The following EIF5B variants were observed in gnomAD, a reference collection of about 807,000 sequenced individuals.
The protein encoded by EIF5B is eukaryotic translation initiation factor 5B, also known as eIF-5B.
A neutral mutation model predicts 147.5 loss-of-function variants in EIF5B; 47 were observed. The observed-to-expected ratio is 0.32, with a 90% confidence interval of 0.25 to 0.41. The LOEUF is 0.41. Ranked by LOEUF, EIF5B falls within the 10% of genes least tolerant of loss-of-function variation. The pLI is 1.00. For synonymous variants in EIF5B, 455 were observed against 456.2 expected (o/e 1.00, Z 0.03); for missense variants, 1,064 against 1,413.2 (o/e 0.75, Z 3.96).
Position 99,337,395 on chromosome 2 carries a change from T to C in EIF5B, c.-160T>C. 1 of 878,556 alleles carries C rather than the reference T, an allele frequency of 1.1e-6. No individual in the cohort carries two copies. The highest frequency in any genetic ancestry group is 1.8e-6 in the Non-Finnish European group (1 of 545,228). The allele number at this position is 878,556 out of a possible 1,614,324, so 54.4% of individuals were successfully genotyped here. On this transcript the variant is annotated 5_prime_UTR_variant, in exon 1 of 24. Coordinates refer to ENST00000289371, the MANE Select transcript of EIF5B (RefSeq NM_015904.4). ...GCTTGCGCACTGAGAACTCACACCA[T>C]ATGTGTCCTGTTCCAGTGCGCGGGT...
At chr2:99,360,681 T>G (rs1463593728) in intron 3 of EIF5B, 132 bp downstream of exon 3, 1 of 783,596 alleles carries the variant, frequency 1.3e-6, no homozygotes, top group African/African-American at 1.8e-5. Context: ...CTATGAAATC[T>G]GATGTCAAAG....
At chr2:99,367,937 A>G (rs1674364903) in intron 6 of EIF5B, among the ~76,000 whole-genome samples, 1 of 152,216 alleles carries the variant, frequency 6.6e-6, no homozygotes, top group African/African-American at 2.4e-5. Flanking sequence ...TACCTGCTTT[A>G]TTCATAATTG....
chr2:99,365,848 C>A (rs551534477), intron 6 of EIF5B, among the ~76,000 whole-genome samples: 35 of 152,266 alleles, frequency 2.3e-4, no homozygotes, highest in African/African-American at 8.4e-4. Context: ...GGTTCCCCCC[C>A]ACCCACAGCC....
chr2:99,350,110 A>G (rs1673897430), intron 1 of EIF5B, among the ~76,000 whole-genome samples: 1 of 152,230 alleles, frequency 6.6e-6, no homozygotes, highest in Non-Finnish European at 1.5e-5. Flanking sequence ...TGTTGTCACA[A>G]AATGACAGGA....
rs903583336 is a variant in EIF5B, at chr2:99,400,690, A to G, written c.*1276A>G. On this transcript the variant is annotated 3_prime_UTR_variant, in exon 24 of 24. Coordinates refer to ENST00000289371, the MANE Select transcript of EIF5B (RefSeq NM_015904.4). ...GGTGTGAGGGTGTTTCTAATTCAAA[A>G]TATGTAGATTTCTCCGCATGGAAGA... 1.3e-5 allele frequency: 2 copies of G among 152,238 alleles called. No individual in the cohort carries two copies. The highest frequency in any genetic ancestry group is 2.9e-5 in the Non-Finnish European group (2 of 68,048). The allele number at this position is 152,238 out of a possible 1,614,324, so 9.4% of individuals were successfully genotyped here. A position where few individuals can be genotyped will look rare whatever the true frequency, so the allele number is the denominator to read the frequency against.
chr2:99,376,837 A>G (rs1256161420), intron 10 of EIF5B, among the ~76,000 whole-genome samples: 1 of 152,188 alleles, frequency 6.6e-6, no homozygotes, highest in Non-Finnish European at 1.5e-5. Context: ...CTTACCTAAG[A>G]TAGAATGGTG....
chr2:99,337,498 G>C lies in EIF5B; in HGVS notation c.-57G>C. On this transcript the variant is annotated 5_prime_UTR_variant, in exon 1 of 24. Coordinates refer to ENST00000289371, the MANE Select transcript of EIF5B (RefSeq NM_015904.4). ...GGAGACCAAAGTCAGCCGGGAGACAGTGGGTCTGTGAGAGACCGAATAGAG... is the reference window on the plus strand; with the variant it reads ...GGAGACCAAAGTCAGCCGGGAGACACTGGGTCTGTGAGAGACCGAATAGAG... 6.3e-7 allele frequency: 1 copy of C among 1,593,358 alleles called. No homozygotes were observed. The highest frequency in any genetic ancestry group is 8.5e-7 in the Non-Finnish European group (1 of 1,169,650).
intron 1 of EIF5B, among the ~76,000 whole-genome samples, chr2:99,352,768 C>T (rs1458049252): frequency 2.6e-5 from 4 of 151,852 alleles, no homozygotes; most frequent in African/African-American, 9.7e-5. Flanking sequence ...AGCTACTGTG[C>T]CTGGCCTATT....
intron 1 of EIF5B, among the ~76,000 whole-genome samples, chr2:99,358,166 A>G (rs1226353433): frequency 6.6e-6 from 1 of 152,106 alleles, no homozygotes; most frequent in Non-Finnish European, 1.5e-5. Flanking sequence ...CAGGTGATTC[A>G]GGTAATCTTC....
chr2:99,382,766 C>G lies in EIF5B; in HGVS notation c.2130-14C>G. On this transcript the variant is annotated splice_polypyrimidine_tract_variant and intron_variant, in intron 13 of 23. Transcript: ENST00000289371. ...AGATTTTCTACTTATAGATCTTTTC[C>G]TTCTTTTCAACAGTAATCTGAGAAA... The G allele has an allele frequency of 6.4e-7, 1 of 1,574,776 alleles. No individual in the cohort carries two copies. The highest frequency in any genetic ancestry group is 8.6e-7 in the Non-Finnish European group (1 of 1,167,730).
chr2:99,358,233 A>G (rs1674135289), intron 1 of EIF5B, among the ~76,000 whole-genome samples: 2 of 151,962 alleles, frequency 1.3e-5, no homozygotes, highest in Admixed American at 1.3e-4. Context: ...TGCCTGGCTA[A>G]TTTTTTTATA....
At position 99,368,414 on chromosome 2, in the gene EIF5B, A is replaced by G. The variant is rs538940969; in HGVS notation, c.1289-79A>G. The G allele has an allele frequency of 4.8e-4, 501 of 1,038,968 alleles. 3 individuals are homozygous for G. The South Asian group carries it at 6.7e-3, about 14-fold the overall frequency. The allele number at this position is 1,038,968 out of a possible 1,614,324, so 64.4% of individuals were successfully genotyped here. On this transcript the variant is annotated intron_variant, in intron 6 of 23. Coordinates refer to ENST00000289371, the MANE Select transcript of EIF5B (RefSeq NM_015904.4). ...AGGGTATGTGTCTCTGTGGTGAATG[A>G]AATGCTATCCTTTAAATAGTACTTC... is the stretch of plus-strand genomic sequence containing the variant.
At chr2:99,396,419 A>G (rs1400569724) in intron 21 of EIF5B, among the ~76,000 whole-genome samples, 2 of 152,202 alleles carry the variant, frequency 1.3e-5, no homozygotes, top group East Asian at 3.9e-4. Context: ...CTAGGTTCTA[A>G]GCCCCAGACT....
chr2:99,355,904 C>T (rs906099904), intron 1 of EIF5B, among the ~76,000 whole-genome samples: 6 of 152,106 alleles, frequency 3.9e-5, no homozygotes, highest in Non-Finnish European at 7.3e-5. Flanking sequence ...TGAGGCACTG[C>T]ACCCGGCCTC....
At chr2:99,337,655 G>C in intron 1 of EIF5B, 66 bp downstream of exon 1, 1 of 1,537,168 alleles carries the variant, frequency 6.5e-7, no homozygotes, top group Non-Finnish European at 8.8e-7. Context: ...GGGTCTCGCC[G>C]GGCGCGGCGT....
At chr2:99,358,630 A>T (rs1674142901) in intron 1 of EIF5B, among the ~76,000 whole-genome samples, 1 of 152,150 alleles carries the variant, frequency 6.6e-6, no homozygotes, top group Non-Finnish European at 1.5e-5. Context: ...TGGGGTCAAT[A>T]AATACATAAT....
intron 1 of EIF5B, among the ~76,000 whole-genome samples, chr2:99,339,768 G>A (rs1354880181): frequency 6.6e-6 from 1 of 152,076 alleles, no homozygotes; most frequent in Non-Finnish European, 1.5e-5. Context: ...GTCTTTTTAG[G>A]GAAAAGTGAG....
chr2:99,342,046 T>C (rs1264680360), intron 1 of EIF5B, among the ~76,000 whole-genome samples: 1 of 152,198 alleles, frequency 6.6e-6, no homozygotes, highest in African/African-American at 2.4e-5. Flanking sequence ...GGGAATGAAT[T>C]TGAGGACTGC....
At position 99,396,866 on chromosome 2, in the gene EIF5B, CAG is replaced by C. The variant is rs1374370597; in HGVS notation, c.3362_3363del (p.Gln1121ArgfsTer13). ...GACGGTGGAAGCAGGTCAGGTGAAA[CAG>C]GGGACACCCATGTGTGTCCCAAGCA... Reference protein sequence around the residue: ...GVTVEAGQVKQGTPMCVPSKN... With the variant: ...GVTVEAGQVKXGTPMCVPSKN... On this transcript the variant is annotated frameshift_variant, in exon 22 of 24. Transcript: ENST00000289371. LOFTEE classifies it high-confidence loss of function. 7.5e-6 allele frequency: 12 copies of C among 1,610,042 alleles called. No individual in the cohort carries two copies. Among genetic ancestry groups the C allele is most frequent in the Non-Finnish European group, 1.0e-5 (12 of 1,179,080 alleles).
Sources: gnomAD v4.1 joint callset for allele counts (sites outside exome capture counted in the v4.1 genomes callset) on GRCh38, gnomAD v4.1.1 for gene constraint, MANE v1.5 for transcripts, NCBI Gene and HGNC (gene_info 2026-07-23, HGNC 2026-07-21) for gene names.